DCBLD2: variants seen among roughly 807,000 people sequenced by gnomAD.
DCBLD2 encodes discoidin, CUB and LCCL domain-containing protein 2.
DCBLD2 carries 54 observed loss-of-function variants against 86.8 expected under a neutral mutation model. That is an observed-to-expected ratio of 0.62 (90% confidence interval 0.50 to 0.78). The LOEUF (loss-of-function observed/expected upper bound fraction) is 0.78. DCBLD2 is among the 30% of genes least tolerant of loss of function. DCBLD2 has a pLI of 0.00. For synonymous variants in DCBLD2, 354 were observed against 341.3 expected (o/e 1.04, Z -0.41); for missense variants, 908 against 954.2 (o/e 0.95, Z 0.64).
rs545393736 is a variant in DCBLD2, at chr3:98,827,571, T to C, written c.572-2205A>G. Among the ~76,000 whole-genome samples, 4 of 152,288 alleles carry C rather than the reference T, an allele frequency of 2.6e-5. No individual in the cohort carries two copies. The East Asian group carries it at 7.7e-4, about 29-fold the overall frequency. On this transcript the variant is annotated intron_variant, in intron 3 of 15. Transcript: ENST00000326840. ...TCACTAAAGTTGCTCTCAAATTCCA[T>C]GGAAGTTCAAAGAGCTCTCAAGGAG...
chr3:98,838,043 G>A (rs1942511289), intron 3 of DCBLD2, among the ~76,000 whole-genome samples: 1 of 120,360 alleles, frequency 8.3e-6, no homozygotes. Context: ...GCCGGGCGGG[G>A]GGCTGACCCC....
intron 12 of DCBLD2, 133 bp downstream of exon 12, chr3:98,811,061 A>AT: frequency 9.8e-7 from 1 of 1,023,826 alleles, no homozygotes; most frequent in Non-Finnish European, 1.3e-6. Flanking sequence ...AAAGAAAATA[A>AT]ATTTTTTTTT....
chr3:98,804,535 T>G (rs917276971), intron 13 of DCBLD2, among the ~76,000 whole-genome samples: 1 of 152,234 alleles, frequency 6.6e-6, no homozygotes, highest in African/African-American at 2.4e-5. Context: ...GTTTTTTGTC[T>G]CTATCTCCTT....
chr3:98,892,670 T>A (rs1374252086), intron 1 of DCBLD2, among the ~76,000 whole-genome samples: 1 of 152,132 alleles, frequency 6.6e-6, no homozygotes, highest in Non-Finnish European at 1.5e-5. Flanking sequence ...CATTCCTGCC[T>A]TCCCCTCTCA....
intron 12 of DCBLD2, among the ~76,000 whole-genome samples, chr3:98,809,332 C>T (rs1941893789): frequency 8.3e-6 from 1 of 120,822 alleles, no homozygotes; most frequent in Admixed American, 8.0e-5. Context: ...CTAACCTGCA[C>T]CATCTTCTTT....
chr3:98,891,083 AAC>A (rs928257518), intron 1 of DCBLD2, among the ~76,000 whole-genome samples: 1 of 152,050 alleles, frequency 6.6e-6, no homozygotes, highest in Non-Finnish European at 1.5e-5. Flanking sequence ...GAGTAAGACA[AAC>A]ACAGAGAGTC....
rs13091170 is a variant in DCBLD2 at position 98,901,456 on chromosome 3, G to C, written c.-130C>G. The C allele has an allele frequency of 6.4e-6, 6 of 935,614 alleles. No individual in the cohort carries two copies. The East Asian group carries it at 1.4e-4, about 22-fold the overall frequency. 58.0% of individuals were successfully genotyped at this position (935,614 alleles called of 1,614,324 possible). ...AGAGGCAGCCCTCGCCTCACCCCGC[G>C]CCGGGACCCTTCCGCCCCTCACCCC... On this transcript the variant is annotated 5_prime_UTR_variant, in exon 1 of 16. Coordinates refer to ENST00000326840, the MANE Select transcript of DCBLD2 (RefSeq NM_080927.4).
chr3:98,809,020 C>T (rs960706026), intron 12 of DCBLD2, among the ~76,000 whole-genome samples: 2 of 150,896 alleles, frequency 1.3e-5, no homozygotes, highest in Admixed American at 1.3e-4. Context: ...GCAAAACATT[C>T]ATATATATAT....
intron 9 of DCBLD2, among the ~76,000 whole-genome samples, chr3:98,816,565 T>C (rs192445312): frequency 2.0e-5 from 3 of 152,212 alleles, no homozygotes; most frequent in African/African-American, 7.2e-5. Flanking sequence ...ATGAAGTTCA[T>C]GTGACGCCAA....
At chr3:98,822,780 T>C (rs1354636254) in intron 4 of DCBLD2, 39 bp from the exon 5 acceptor site, 21 of 1,523,512 alleles carry the variant, frequency 1.4e-5, no homozygotes, top group South Asian at 1.1e-4. Context: ...CATAATGCTG[T>C]ATTTTACAGG....
intron 13 of DCBLD2, among the ~76,000 whole-genome samples, chr3:98,803,508 C>T (rs1337301727): frequency 1.3e-5 from 2 of 152,194 alleles, no homozygotes; most frequent in East Asian, 3.8e-4. Context: ...AATTTGACTT[C>T]CTCTTTTCCT....
At chr3:98,862,772 T>C (rs1169790709) in intron 2 of DCBLD2, among the ~76,000 whole-genome samples, 1 of 152,176 alleles carries the variant, frequency 6.6e-6, no homozygotes, top group Admixed American at 6.5e-5. Flanking sequence ...TCACACTGAA[T>C]GGGCAAAAAC....
chr3:98,813,963 A>C (rs1188633081), intron 9 of DCBLD2: 1 of 152,200 alleles, frequency 6.6e-6, no homozygotes, highest in Non-Finnish European at 1.5e-5. Context: ...CAATAAGCTA[A>C]AAAGAGCCCT....
At chr3:98,859,900 A>G (rs764388103) in intron 2 of DCBLD2, among the ~76,000 whole-genome samples, 7 of 152,234 alleles carry the variant, frequency 4.6e-5, no homozygotes, top group East Asian at 1.9e-4. Flanking sequence ...TTGAGAGAAG[A>G]AGGCTTCAGA....
intron 3 of DCBLD2, among the ~76,000 whole-genome samples, chr3:98,830,785 A>G (rs1942306953): frequency 6.6e-6 from 1 of 152,154 alleles, no homozygotes; most frequent in Admixed American, 6.5e-5. Flanking sequence ...ATGTCATTGG[A>G]AGTTTGATAA....
chr3:98,876,971 T>C (rs1943383757), intron 2 of DCBLD2, among the ~76,000 whole-genome samples: 1 of 152,102 alleles, frequency 6.6e-6, no homozygotes, highest in Non-Finnish European at 1.5e-5. Context: ...AAAATATAAA[T>C]GTCATTTGTA....
At chr3:98,817,531 A>C (rs1942044449) in intron 9 of DCBLD2, among the ~76,000 whole-genome samples, 1 of 152,224 alleles carries the variant, frequency 6.6e-6, no homozygotes, top group Non-Finnish European at 1.5e-5. Flanking sequence ...TTCAATTAAA[A>C]ATGCAATGAC....
At chr3:98,843,272 A>G (rs1389245148) in intron 3 of DCBLD2, among the ~76,000 whole-genome samples, 1 of 152,218 alleles carries the variant, frequency 6.6e-6, no homozygotes, top group African/African-American at 2.4e-5. Flanking sequence ...ATGTAAACTG[A>G]AACTTCATTA....
At chr3:98,874,292 A>C (rs949181164) in intron 2 of DCBLD2, among the ~76,000 whole-genome samples, 13 of 152,218 alleles carry the variant, frequency 8.5e-5, no homozygotes, top group African/African-American at 3.1e-4. Context: ...AGTAAATTAC[A>C]AATTAATATC....
Sources: gnomAD v4.1 joint callset for allele counts (sites outside exome capture counted in the v4.1 genomes callset) on GRCh38, gnomAD v4.1.1 for gene constraint, MANE v1.5 for transcripts, NCBI Gene and HGNC (gene_info 2026-07-23, HGNC 2026-07-21) for gene names.